Variants in SUGCT observed in about 807,000 individuals in gnomAD.
The protein encoded by SUGCT is succinyl-CoA:glutarate CoA-transferase.
SUGCT carries 41 observed loss-of-function variants against 55.0 expected under a neutral mutation model. The observed-to-expected ratio is 0.74, with a 90% CI of 0.58 to 0.97. The LOEUF is 0.97. Ranked by LOEUF, SUGCT falls within the 50% of genes least tolerant of loss-of-function variation. The pLI is 0.00. For missense variants in SUGCT, 568 were observed against 547.8 expected (o/e 1.04, Z -0.37); for synonymous variants, 187 against 200.4 (o/e 0.93, Z 0.56).
intron 6 of SUGCT, 142 bp downstream of exon 6, chr7:40,195,202 AACTT>A: frequency 1.2e-6 from 1 of 838,248 alleles, no homozygotes. Context: ...TAGGTTGCTG[AACTT>A]ACTTTTTTCT....
chr7:40,760,641 AAT>A (rs1291287383), intron 13 of SUGCT, among the ~76,000 whole-genome samples: 5 of 152,190 alleles, frequency 3.3e-5, no homozygotes, highest in African/African-American at 1.2e-4. Flanking sequence ...GATTCATAAA[AAT>A]ATTAATTAAC....
rs563293352 is a variant in SUGCT at position 40,592,061 on chromosome 7, G to A, written c.1089+95675G>A. Among the ~76,000 whole-genome samples, 8 of 152,162 alleles carry A rather than the reference G, an allele frequency of 5.3e-5. No individual in the cohort carries two copies. In the East Asian group the frequency reaches 1.5e-3, roughly 29 times the overall value. ...TTGGCACAAAATATAGAAAAACTTT[G>A]CAAAAAGACAGAATTTTTTTACTGT... is the stretch of plus-strand genomic sequence containing the variant. On this transcript the variant is annotated intron_variant, in intron 12 of 13. Transcript: ENST00000335693.
chr7:40,416,934 A>G (rs1013249409), intron 9 of SUGCT, among the ~76,000 whole-genome samples: 1 of 151,990 alleles, frequency 6.6e-6, no homozygotes, highest in Non-Finnish European at 1.5e-5. Context: ...AATCTACATT[A>G]TTAGTGGTTT....
chr7:40,936,064 C>G, the SUGCT span, among the ~76,000 whole-genome samples: 1 of 151,902 alleles, frequency 6.6e-6, no homozygotes, highest in Non-Finnish European at 1.5e-5. Flanking sequence ...AATCCTTTGC[C>G]CATTTTAAGT....
chr7:40,179,170 G>A (rs139262302), intron 1 of SUGCT, among the ~76,000 whole-genome samples: 137 of 152,258 alleles, frequency 9.0e-4, no homozygotes, highest in African/African-American at 3.2e-3. Context: ...TGCTATAACA[G>A]GTTATCTCTG....
chr7:40,189,203 G>A (rs868439910), intron 4 of SUGCT, among the ~76,000 whole-genome samples: 4 of 152,050 alleles, frequency 2.6e-5, no homozygotes, highest in Non-Finnish European at 5.9e-5. Flanking sequence ...TTAGCTGGGC[G>A]TGGTGGCGTG....
chr7:40,465,793 C>G (rs547019230), intron 11 of SUGCT, among the ~76,000 whole-genome samples: 1 of 152,212 alleles, frequency 6.6e-6, no homozygotes, highest in Admixed American at 6.5e-5. Context: ...ATGTAAAAAA[C>G]TGACATCTTG....
chr7:40,155,656 G>A (rs566278267), intron 1 of SUGCT, among the ~76,000 whole-genome samples: 1 of 152,272 alleles, frequency 6.6e-6, no homozygotes, highest in East Asian at 1.9e-4. Context: ...GAACATTTGA[G>A]CACCCAAGCC....
chr7:40,251,875 C>T (rs1318581019), intron 7 of SUGCT, among the ~76,000 whole-genome samples: 1 of 133,250 alleles, frequency 7.5e-6, no homozygotes, highest in Non-Finnish European at 1.7e-5. Flanking sequence ...AAGTCCATAA[C>T]CTAAGTTTGT....
chr7:40,898,962 G>A, the SUGCT span, among the ~76,000 whole-genome samples: 1 of 152,096 alleles, frequency 6.6e-6, no homozygotes, highest in Non-Finnish European at 1.5e-5. Context: ...AAGTGAAAGG[G>A]CAGTGGCTCT....
At chr7:40,441,964 A>G (rs544889896) in intron 9 of SUGCT, among the ~76,000 whole-genome samples, 73 of 152,232 alleles carry the variant, frequency 4.8e-4, no homozygotes, top group African/African-American at 1.7e-3. Context: ...TACTTCCTTC[A>G]TATGACTCAT....
chr7:41,034,572 C>T, the SUGCT span, among the ~76,000 whole-genome samples: 1 of 152,170 alleles, frequency 6.6e-6, no homozygotes, highest in African/African-American at 2.4e-5. Flanking sequence ...GTGCACCAGG[C>T]TGAGGGTAAT....
intron 6 of SUGCT, among the ~76,000 whole-genome samples, chr7:40,209,691 G>A (rs1286188895): frequency 6.6e-6 from 1 of 151,932 alleles, no homozygotes; most frequent in Non-Finnish European, 1.5e-5. Context: ...AGCTATGTGG[G>A]ATGCTGAGGC....
At position 40,272,335 on chromosome 7, in the gene SUGCT, C is replaced by T. The variant is rs139815331; in HGVS notation, c.577-2178C>T. 5.1e-3 allele frequency among the ~76,000 whole-genome samples: 762 copies of T among 149,836 alleles called. 7 individuals carry two copies. The highest frequency in any genetic ancestry group is 0.018 in the African/African-American group (727 of 40,840). ...GGTACTAGGGGTGTGTGCCACCATG[C>T]CCGGCTAATTTTTGTATTTTTTGGT... is the stretch of plus-strand genomic sequence containing the variant. On this transcript the variant is annotated intron_variant, in intron 7 of 13. Transcript: ENST00000335693.
At chr7:40,489,993 G>C (rs576667185) in intron 11 of SUGCT, among the ~76,000 whole-genome samples, 1 of 152,308 alleles carries the variant, frequency 6.6e-6, no homozygotes, top group East Asian at 1.9e-4. Context: ...ACCCACTGTA[G>C]TGGTCCCAAA....
At chr7:40,581,850 C>T (rs888861006) in intron 12 of SUGCT, among the ~76,000 whole-genome samples, 3 of 152,076 alleles carry the variant, frequency 2.0e-5, no homozygotes, top group Non-Finnish European at 2.9e-5. Context: ...TCGAGGAGTC[C>T]AAGTCACTTC....
At chr7:40,357,366 G>C (rs186633502) in intron 9 of SUGCT, among the ~76,000 whole-genome samples, 240 of 152,264 alleles carry the variant, frequency 1.6e-3, no homozygotes, top group Non-Finnish European at 2.5e-3. Context: ...CATCTAGCAT[G>C]ATGAAGTCCA....
intron 12 of SUGCT, among the ~76,000 whole-genome samples, chr7:40,503,616 CT>C (rs1792422843): frequency 1.3e-5 from 2 of 152,080 alleles, no homozygotes; most frequent in African/African-American, 4.8e-5. Context: ...CGGAAATTAA[CT>C]GTTACTTTTC....
chr7:40,183,875 A>G (rs2150716089), intron 3 of SUGCT, among the ~76,000 whole-genome samples: 1 of 152,240 alleles, frequency 6.6e-6, no homozygotes, highest in Admixed American at 6.5e-5. Context: ...AAAGTTGCTT[A>G]GAAAAGCATC....
Sources: gnomAD v4.1 joint callset for allele counts (sites outside exome capture counted in the v4.1 genomes callset) on GRCh38, gnomAD v4.1.1 for gene constraint, MANE v1.5 for transcripts, NCBI Gene and HGNC (gene_info 2026-07-23, HGNC 2026-07-21) for gene names.